The following SMCHD1 variants were observed in gnomAD, a reference collection of about 807,000 sequenced individuals.
SMCHD1 encodes the protein structural maintenance of chromosomes flexible hinge domain containing 1.
Under a neutral mutation model 254.7 loss-of-function variants are expected in SMCHD1, and 78 were observed. That is an observed-to-expected ratio of 0.31 (90% CI 0.26 to 0.37). The LOEUF is 0.37. Ranked by LOEUF, SMCHD1 falls within the 10% of genes least tolerant of loss-of-function variation. The pLI, the probability that SMCHD1 is intolerant of heterozygous loss-of-function variation, is 1.00. For synonymous variants in SMCHD1, 766 were observed against 794.9 expected (o/e 0.96, Z 0.61); for missense variants, 1,840 against 2,408.1 (o/e 0.76, Z 4.94).
intron 30 of SMCHD1, among the ~76,000 whole-genome samples, chr18:2,748,366 GTGTGTGTGTGTGTGTGTA>G (rs1186667895): frequency 2.8e-5 from 1 of 35,818 alleles, no homozygotes; most frequent in African/African-American, 8.7e-5. Flanking sequence ...GTGTGTGTGT[GTGTGTGTGTGTGTGTGTA>G]TATAAATTTT....
chr18:2,722,138 G>A (rs1233439989), intron 19 of SMCHD1, among the ~76,000 whole-genome samples: 1 of 152,146 alleles, frequency 6.6e-6, no homozygotes, highest in African/African-American at 2.4e-5. Flanking sequence ...TGAATATCGT[G>A]TTTTGCCTTT....
intron 44 of SMCHD1, among the ~76,000 whole-genome samples, chr18:2,783,184 T>C (rs772814082): frequency 4.6e-5 from 7 of 152,216 alleles, no homozygotes; most frequent in Non-Finnish European, 7.3e-5. Flanking sequence ...GACATGTAAG[T>C]TTACTACTTT....
At chr18:2,765,639 G>T (rs535283661) in intron 37 of SMCHD1, among the ~76,000 whole-genome samples, 4 of 152,290 alleles carry the variant, frequency 2.6e-5, no homozygotes, top group African/African-American at 9.6e-5. Context: ...ACTGGGTGAG[G>T]ATTCTCTTAG....
At chr18:2,795,045 T>G (rs980975985) in intron 45 of SMCHD1, among the ~76,000 whole-genome samples, 48 of 152,010 alleles carry the variant, frequency 3.2e-4, no homozygotes, top group African/African-American at 8.9e-4. Flanking sequence ...CTGGGTTTTT[T>G]TTTTGTTTTG....
rs755652436 is a variant in SMCHD1 at position 2,718,257 on chromosome 18, T to TA, written c.2338+28dup. 6.2e-7 allele frequency: 1 copy of TA among 1,610,862 alleles called. No homozygotes were observed. The highest frequency in any genetic ancestry group is 1.7e-5 in the Admixed American group (1 of 59,558). ...ATGGGTGAGTTCTTATTCTGAATGT[T>TA]AAAAAATACATTGGTATTGTGTTGA... On this transcript the variant is annotated intron_variant, in intron 18 of 47. Coordinates refer to ENST00000320876, the MANE Select transcript of SMCHD1 (RefSeq NM_015295.3). The surrounding 1 kb of genome is among the most constrained non-coding windows in gnomAD (Gnocchi z 4.6).
At chr18:2,793,675 A>AAAAAAAAAAAAAAAAAG in intron 45 of SMCHD1, among the ~76,000 whole-genome samples, 1 of 149,756 alleles carries the variant, frequency 6.7e-6, no homozygotes, top group Non-Finnish European at 1.5e-5. Context: ...AAAAAAAGAA[A>AAAAAAAAAAAAAAAAAG]GAAAACATTG....
chr18:2,703,624 G>T, intron 12 of SMCHD1, 68 bp from the exon 13 acceptor site: 6 of 1,295,082 alleles, frequency 4.6e-6, no homozygotes, highest in South Asian at 4.0e-5. Flanking sequence ...TAAAATGAAT[G>T]ACAAATGTTT....
chr18:2,705,273 A>G (rs994753907), intron 13 of SMCHD1, among the ~76,000 whole-genome samples: 9 of 152,172 alleles, frequency 5.9e-5, no homozygotes, highest in Non-Finnish European at 1.2e-4. Context: ...AAGTAAGGAG[A>G]AGAAATATGA....
intron 45 of SMCHD1, among the ~76,000 whole-genome samples, chr18:2,794,133 G>T (rs1424972362): frequency 6.6e-6 from 1 of 152,100 alleles, no homozygotes; most frequent in East Asian, 1.9e-4. Context: ...ATGTTATGAA[G>T]ATATTTATAT....
chr18:2,707,836 A>G lies in SMCHD1; in HGVS notation c.2176A>G (p.Lys726Glu). 1 of 1,608,370 alleles carries G rather than the reference A, an allele frequency of 6.2e-7. No individual in the cohort carries two copies. Among genetic ancestry groups the G allele is most frequent in the Non-Finnish European group, 8.5e-7 (1 of 1,177,534 alleles). Residue 726 changes from lysine (K) to glutamate (E), a missense_variant, in exon 17 of 48, where the codon AAA (lysine) becomes GAA (glutamate). Physicochemically the swap from Lys to Glu is moderately conservative, Grantham distance 56. This residue lies in a region of SMCHD1 where 498 missense variants were observed against 743.5 expected (regional missense o/e 0.67). Transcript: ENST00000320876. ...GALRIEILNK[K>E]GEAMQKLPGT... ...GTTAAGAATTGAAATACTGAATAAA[A>G]AAGGGGAAGCAATGCAAAAGCTTCC...
chr18:2,773,389 A>G (rs2076015106), intron 41 of SMCHD1, among the ~76,000 whole-genome samples: 1 of 152,328 alleles, frequency 6.6e-6, no homozygotes, highest in East Asian at 1.9e-4. Context: ...GATTTTTACC[A>G]ACATATAAAT....
chr18:2,709,731 T>TTC (rs1176072179), intron 17 of SMCHD1, among the ~76,000 whole-genome samples: 8 of 152,224 alleles, frequency 5.3e-5, no homozygotes, highest in African/African-American at 1.9e-4. Context: ...CAAAGGTCTA[T>TTC]TCAGGTCCTT....
chr18:2,715,709 G>C (rs551550), intron 17 of SMCHD1, among the ~76,000 whole-genome samples: 150,094 of 152,166 alleles, frequency 0.99, 74,059 homozygotes, highest in East Asian at 1. Context: ...TTTAATTTAA[G>C]AAGTGGGCAT....
chr18:2,747,595 C>T lies in SMCHD1; in HGVS notation c.3875C>T (p.Pro1292Leu), dbSNP rs2075480235. The change falls in exon 30 of 48, where the codon CCA becomes CTA. Residue 1292 changes from proline to leucine, a missense_variant. Transcript: ENST00000320876. ...IVQLCDQWDNPAPVQHVKISL... is the reference protein window; with the variant it reads ...IVQLCDQWDNLAPVQHVKISL... ...CAACTTTGTGATCAGTGGGATAATC[C>T]AGCACCGGTACAACATGTTAAAATA... 1 of 1,610,054 alleles carries T rather than the reference C, an allele frequency of 6.2e-7. No homozygotes were observed. Among genetic ancestry groups the T allele is most frequent in the Non-Finnish European group, 8.5e-7 (1 of 1,177,502 alleles).
At chr18:2,782,583 TAA>T (rs78773992) in intron 44 of SMCHD1, among the ~76,000 whole-genome samples, 2 of 141,014 alleles carry the variant, frequency 1.4e-5, no homozygotes, top group Non-Finnish European at 1.6e-5. Context: ...CTACAAAGTT[TAA>T]AAAAAAAAAA....
chr18:2,775,855 A>G lies in SMCHD1; in HGVS notation c.5297A>G (p.Glu1766Gly). The G allele has an allele frequency of 6.2e-7, 1 of 1,612,276 alleles. No homozygotes were observed. Among genetic ancestry groups the G allele is most frequent in the Non-Finnish European group, 8.5e-7 (1 of 1,179,394 alleles). The change falls in exon 42 of 48, where the codon GAA becomes GGA. Residue 1766 changes from glutamate to glycine, a missense_variant. Glu to Gly is a moderately conservative substitution (Grantham distance 98). Coordinates refer to ENST00000320876, the MANE Select transcript of SMCHD1 (RefSeq NM_015295.3). Reference sequence around the variant, plus strand: ...GACGCTGCACGTCGTATCTATGATGAAACCCAAGGTCGTCAGCAGGTGTTG... The same window carrying G: ...GACGCTGCACGTCGTATCTATGATGGAACCCAAGGTCGTCAGCAGGTGTTG... ...TTDAARRIYD[E>G]TQGRQQVLPL...
At chr18:2,746,607 A>C (rs1474311926) in intron 29 of SMCHD1, among the ~76,000 whole-genome samples, 1 of 152,240 alleles carries the variant, frequency 6.6e-6, no homozygotes, top group Non-Finnish European at 1.5e-5. Context: ...TCTTATTCAT[A>C]GCAGACTGTT....
At chr18:2,676,378 A>T (rs1233149043) in intron 5 of SMCHD1, among the ~76,000 whole-genome samples, 1 of 152,232 alleles carries the variant, frequency 6.6e-6, no homozygotes, top group Non-Finnish European at 1.5e-5. Context: ...TGGTTGGAGA[A>T]GAGGGCCTCT....
Position 2,782,744 on chromosome 18 carries a change from C to CAA in SMCHD1, c.5548-1679_5548-1678dup, listed in dbSNP as rs779083565. ...TGGGCAACAGAGCGAGACCACAACT[C>CAA]AAAAAAAAAAAAAAAAAAAAAAAAA... is the stretch of plus-strand genomic sequence containing the variant. On this transcript the variant is annotated intron_variant, in intron 44 of 47. Coordinates refer to ENST00000320876, the MANE Select transcript of SMCHD1 (RefSeq NM_015295.3). Among the ~76,000 whole-genome samples, 314 of 44,958 alleles carry CAA rather than the reference C, an allele frequency of 7.0e-3. 17 individuals carry two copies. Among genetic ancestry groups the CAA allele is most frequent in the African/African-American group, 0.017 (181 of 10,482 alleles). 29.5% of individuals were successfully genotyped at this position (44,958 alleles called of 152,430 possible).
Sources: allele counts gnomAD v4.1 joint callset (sites outside exome capture counted in the v4.1 genomes callset), GRCh38; gene constraint gnomAD v4.1.1; regional missense constraint gnomAD v4.1.1; non-coding constraint Gnocchi (gnomAD v3.1); transcripts MANE v1.5; gene names NCBI Gene and HGNC (gene_info 2026-07-23, HGNC 2026-07-21).